The following SYPL2 variants were observed in gnomAD, a reference collection of about 807,000 sequenced individuals.
SYPL2 encodes synaptophysin-like protein 2.
In SYPL2, 24 loss-of-function variants were observed where a neutral mutation model predicts 31.3. The ratio of observed to expected loss-of-function variants is 0.77; its 90% CI spans 0.56 to 1.08. The LOEUF (loss-of-function observed/expected upper bound fraction) is 1.08, where lower values mean the gene tolerates loss of function less well. SYPL2 is among the 50% of genes least tolerant of loss of function. SYPL2 has a pLI of 0.00. For synonymous variants in SYPL2, 144 were observed against 143.1 expected (o/e 1.01, Z -0.05); for missense variants, 342 against 360.1 (o/e 0.95, Z 0.41).
intron 2 of SYPL2, among the ~76,000 whole-genome samples, chr1:109,475,089 A>G (rs1655953665): frequency 1.3e-5 from 2 of 152,266 alleles, no homozygotes; most frequent in South Asian, 4.1e-4. Context: ...GCAACTAGGA[A>G]ACAAGATTAG....
chr1:109,475,520 A>G, intron 2 of SYPL2, 61 bp from the exon 3 acceptor site: 2 of 1,577,632 alleles, frequency 1.3e-6, no homozygotes, highest in South Asian at 2.3e-5. Flanking sequence ...AGTCACGGTT[A>G]GTTCTCGACT....
rs1019476030 is a variant in SYPL2 at position 109,481,755 on chromosome 1, G to A, written c.*2207G>A. On this transcript the variant is annotated 3_prime_UTR_variant, in exon 6 of 6. Coordinates refer to ENST00000369872, the MANE Select transcript of SYPL2 (RefSeq NM_001040709.2). Reference sequence around the variant, plus strand: ...GCCTCACTCTCTATGGCCACCCTAAGAGGAAAGGCTACTTCACCTCATTAC... The same window carrying A: ...GCCTCACTCTCTATGGCCACCCTAAAAGGAAAGGCTACTTCACCTCATTAC... 1 of 152,258 alleles carries A rather than the reference G, an allele frequency of 6.6e-6. No individual in the cohort carries two copies. Among genetic ancestry groups the A allele is most frequent in the Non-Finnish European group, 1.5e-5 (1 of 68,062 alleles). 9.4% of individuals were successfully genotyped at this position (152,258 alleles called of 1,614,324 possible). A position where few individuals can be genotyped will look rare whatever the true frequency, so the allele number is the denominator to read the frequency against.
Position 109,478,880 on chromosome 1 carries a change from A to G in SYPL2, c.649-498A>G, listed in dbSNP as rs1656077949. Among the ~76,000 whole-genome samples the G allele has an allele frequency of 6.6e-6, 1 of 152,206 alleles. No homozygotes were observed. Among genetic ancestry groups the G allele is most frequent in the Non-Finnish European group, 1.5e-5 (1 of 68,028 alleles). ...TAGTGCATTTCAAAGATAATTTGGG[A>G]CATCAGTACACTTCCCTCTAAGTAC... On this transcript the variant is annotated intron_variant, in intron 5 of 5. Coordinates refer to ENST00000369872, the MANE Select transcript of SYPL2 (RefSeq NM_001040709.2). This position sits in a 1 kb window ranked among gnomAD's most constrained non-coding sequence, Gnocchi z 4.0.
chr1:109,478,042 C>A lies in SYPL2; in HGVS notation c.648+33C>A. On this transcript the variant is annotated intron_variant, in intron 5 of 5. Coordinates refer to ENST00000369872, the MANE Select transcript of SYPL2 (RefSeq NM_001040709.2). The surrounding 1 kb of genome is among the most constrained non-coding windows in gnomAD (Gnocchi z 4.0). ...CTGTGGCCACTGCAGGAAGCAGCAC[C>A]AGCCCTGCTGCCCAGGCCTGTCCCA... is the stretch of plus-strand genomic sequence containing the variant. The A allele has an allele frequency of 6.2e-7, 1 of 1,611,122 alleles. No individual in the cohort carries two copies.
In SYPL2 at chr1:109,480,736, G is replaced by A. The variant is rs1378388407; in HGVS notation, c.*1188G>A. On this transcript the variant is annotated 3_prime_UTR_variant, in exon 6 of 6. Transcript: ENST00000369872. ...CCTTGCTGTCCCATTTCTCCCCTGT[G>A]TCCTTATTTCTCCCAGTCTCTATCC... 6.6e-6 allele frequency: 1 copy of A among 152,564 alleles called. No homozygotes were observed. Among genetic ancestry groups the A allele is most frequent in the Non-Finnish European group, 1.5e-5 (1 of 68,088 alleles). The allele number at this position is 152,564 out of a possible 1,614,324, so 9.5% of individuals were successfully genotyped here.
rs531411676 is a variant in SYPL2, at chr1:109,481,229, A to C, written c.*1681A>C. 8 of 152,778 alleles carry C rather than the reference A, an allele frequency of 5.2e-5. No homozygotes were observed. In the South Asian group the frequency reaches 1.4e-3, roughly 28 times the overall value. 9.5% of individuals were successfully genotyped at this position (152,778 alleles called of 1,614,324 possible). On this transcript the variant is annotated 3_prime_UTR_variant, in exon 6 of 6. Coordinates refer to ENST00000369872, the MANE Select transcript of SYPL2 (RefSeq NM_001040709.2). Reference sequence around the variant, plus strand: ...ACATCCCCAAATGCTTGAGTCCCTCAGTGAAAGAATTAGTTTTTGTTTGTT... The same window carrying C: ...ACATCCCCAAATGCTTGAGTCCCTCCGTGAAAGAATTAGTTTTTGTTTGTT...
At chr1:109,477,081 C>A (rs574274999) in intron 4 of SYPL2, 104 bp downstream of exon 4, 177 of 1,351,470 alleles carry the variant, frequency 1.3e-4, no homozygotes, top group Middle Eastern at 1.2e-3. Flanking sequence ...CTTCCACCCC[C>A]ATGGTGGAAC....
chr1:109,475,392 T>TCCAG, intron 2 of SYPL2, 189 bp from the exon 3 acceptor site: 1 of 741,766 alleles, frequency 1.3e-6, no homozygotes, highest in Non-Finnish European at 2.1e-6. Flanking sequence ...GGCTATTTGG[T>TCCAG]CCAGCAGCCT....
chr1:109,477,969 C>A lies in SYPL2; in HGVS notation c.608C>A (p.Ala203Asp). The A allele has an allele frequency of 6.2e-7, 1 of 1,614,204 alleles. No individual in the cohort carries two copies. Among genetic ancestry groups the A allele is most frequent in the Non-Finnish European group, 8.5e-7 (1 of 1,180,040 alleles). The change falls in exon 5 of 6, where the codon GCC becomes GAC. Residue 203 changes from alanine to aspartate, a missense_variant. Physicochemically the swap from Ala to Asp is moderately radical, Grantham distance 126. Coordinates refer to ENST00000369872, the MANE Select transcript of SYPL2 (RefSeq NM_001040709.2). Reference sequence around the variant, plus strand: ...CATGGAGAGGAAGCAGTGTGCAGTGCCGGGGCCACGCCCTCTATGGGCCTG... The same window carrying A: ...CATGGAGAGGAAGCAGTGTGCAGTGACGGGGCCACGCCCTCTATGGGCCTG... Reference protein sequence around the residue: ...VCHGEEAVCSAGATPSMGLAN... With the variant: ...VCHGEEAVCSDGATPSMGLAN...
chr1:109,479,347 A>C, intron 5 of SYPL2, 31 bp from the exon 6 acceptor site: 1 of 1,609,428 alleles, frequency 6.2e-7, no homozygotes, highest in Non-Finnish European at 8.5e-7. Context: ...CCCCCTGACT[A>C]TTCTCACAAA....
In SYPL2 at chr1:109,479,529, G is replaced by C. The variant is rs766810771; in HGVS notation, c.800G>C (p.Gly267Ala). 1 of 1,613,918 alleles carries C rather than the reference G, an allele frequency of 6.2e-7. No homozygotes were observed. The highest frequency in any genetic ancestry group is 1.1e-5 in the South Asian group (1 of 91,066). Residue 267 changes from glycine (G) to alanine (A), a missense_variant, in exon 6 of 6, where the codon GGA (glycine) becomes GCA (alanine). Gly to Ala is a moderately conservative substitution (Grantham distance 60). Coordinates refer to ENST00000369872, the MANE Select transcript of SYPL2 (RefSeq NM_001040709.2). ...AGCCAGGAGAGTGCAGCTGAGCAGG[G>C]AGCAGTGGAGAAGCAGTAAGCAGCC... The part of the protein sequence containing the change: ...GPSQESAAEQ[G>A]AVEKQ
At chr1:109,473,189 G>A (rs544173508) in intron 2 of SYPL2, among the ~76,000 whole-genome samples, 8 of 152,332 alleles carry the variant, frequency 5.3e-5, no homozygotes, top group Non-Finnish European at 1.0e-4. Flanking sequence ...GGGTAATGAT[G>A]CAGAGGCTTC....
rs553868913 is a variant in SYPL2, at chr1:109,480,798, T to C, written c.*1250T>C. 1 of 152,882 alleles carries C rather than the reference T, an allele frequency of 6.5e-6. No individual in the cohort carries two copies. The highest frequency in any genetic ancestry group is 2.1e-4 in the South Asian group (1 of 4,822). 9.5% of individuals were successfully genotyped at this position (152,882 alleles called of 1,614,324 possible). ...CAGGGCAGGCCGATGCTATTGGTGC[T>C]TCTTCACTTTGGGACCCAGTTCCAT... On this transcript the variant is annotated 3_prime_UTR_variant, in exon 6 of 6. Transcript: ENST00000369872.
intron 2 of SYPL2, among the ~76,000 whole-genome samples, chr1:109,474,407 G>C (rs1345146110): frequency 1.3e-5 from 2 of 148,530 alleles, no homozygotes; most frequent in African/African-American, 5.0e-5. Flanking sequence ...GCACGATCTC[G>C]GCTCACTGCA....
chr1:109,476,010 G>A (rs1271559804), intron 3 of SYPL2, among the ~76,000 whole-genome samples: 11 of 152,198 alleles, frequency 7.2e-5, no homozygotes, highest in Non-Finnish European at 1.5e-4. Flanking sequence ...AGGCTTACAG[G>A]AACCTGGACA....
chr1:109,470,685 T>G (rs1246105161), intron 2 of SYPL2, among the ~76,000 whole-genome samples: 1 of 152,158 alleles, frequency 6.6e-6, no homozygotes, highest in East Asian at 1.9e-4. Flanking sequence ...AGTTCTTTCC[T>G]TCTCTTCTCT....
At position 109,478,383 on chromosome 1, in the gene SYPL2, G is replaced by A. The variant is rs1205213764; in HGVS notation, c.648+374G>A. ...GGGCTGTGGCTGAGCTTGAAGCTGCGAGCAGACCCAGCATGAGTGGGAAGG... is the reference window on the plus strand; with the variant it reads ...GGGCTGTGGCTGAGCTTGAAGCTGCAAGCAGACCCAGCATGAGTGGGAAGG... On this transcript the variant is annotated intron_variant, in intron 5 of 5. Coordinates refer to ENST00000369872, the MANE Select transcript of SYPL2 (RefSeq NM_001040709.2). This position sits in a 1 kb window ranked among gnomAD's most constrained non-coding sequence, Gnocchi z 4.0. Among the ~76,000 whole-genome samples the A allele has an allele frequency of 1.3e-5, 2 of 152,196 alleles. No individual in the cohort carries two copies. Among genetic ancestry groups the A allele is most frequent in the African/African-American group, 2.4e-5 (1 of 41,446 alleles).
At position 109,476,920 on chromosome 1, in the gene SYPL2, A is replaced by G. The variant is rs1352292705; in HGVS notation, c.399A>G (p.Leu133=). Residue 133 remains leucine (L), a synonymous_variant, in exon 4 of 6, where the codon CTA becomes CTG. Coordinates refer to ENST00000369872, the MANE Select transcript of SYPL2 (RefSeq NM_001040709.2). ...CCTTCTTCTATACCATGGCTGCCCTAGTTATCTACCTGCGCTTCCACAACC... is the reference window on the plus strand; with the variant it reads ...CCTTCTTCTATACCATGGCTGCCCTGGTTATCTACCTGCGCTTCCACAACC... ...IFSFFYTMAA[L]VIYLRFHNLY... 1.5e-5 allele frequency: 24 copies of G among 1,614,024 alleles called. No homozygotes were observed. Among genetic ancestry groups the G allele is most frequent in the Non-Finnish European group, 1.9e-5 (22 of 1,180,030 alleles).
chr1:109,467,280 G>A (rs1164117899), intron 2 of SYPL2, 147 bp downstream of exon 2: 4 of 621,706 alleles, frequency 6.4e-6, no homozygotes, highest in Non-Finnish European at 1.1e-5. Context: ...GGCGGGGGAG[G>A]GGCGGGCTGG....
Sources: allele counts gnomAD v4.1 joint callset (sites outside exome capture counted in the v4.1 genomes callset), GRCh38; gene constraint gnomAD v4.1.1; non-coding constraint Gnocchi (gnomAD v3.1); transcripts MANE v1.5; gene names NCBI Gene and HGNC (gene_info 2026-07-23, HGNC 2026-07-21).